Variants in ETV6 observed in about 807,000 individuals in gnomAD.
ETV6 encodes ETS variant transcription factor 6.
ETV6 carries 16 observed loss-of-function variants against 51.1 expected under a neutral mutation model. The ratio of observed to expected loss-of-function variants is 0.31; its 90% CI spans 0.21 to 0.48. The LOEUF (loss-of-function observed/expected upper bound fraction) is 0.48. Among genes scored for constraint, ETV6 ranks in the 20% least tolerant of loss-of-function variants. The pLI, the probability that ETV6 is intolerant of heterozygous loss-of-function variation, is 0.99. For missense variants in ETV6, 458 were observed against 594.8 expected (o/e 0.77, Z 2.39); for synonymous variants, 240 against 224.1 (o/e 1.07, Z -0.64).
At chr12:11,681,159 A>G (rs1591604857) in intron 1 of ETV6, among the ~76,000 whole-genome samples, 1 of 152,340 alleles carries the variant, frequency 6.6e-6, no homozygotes, top group East Asian at 1.9e-4. Context: ...ATGCTGAGGC[A>G]GCTGTAAGCC....
intron 1 of ETV6, among the ~76,000 whole-genome samples, chr12:11,691,871 A>C (rs1057376142): frequency 6.6e-6 from 1 of 152,226 alleles, no homozygotes; most frequent in Non-Finnish European, 1.5e-5. Context: ...TCGTGACTCC[A>C]TTATTTTGAA....
intron 1 of ETV6, among the ~76,000 whole-genome samples, chr12:11,708,496 C>G (rs1243039715): frequency 1.3e-5 from 2 of 152,178 alleles, no homozygotes; most frequent in Non-Finnish European, 2.9e-5. Flanking sequence ...GACTTTTCCA[C>G]TGGTTTCTTG....
chr12:11,842,078 T>A (rs1946398788), intron 3 of ETV6, among the ~76,000 whole-genome samples: 1 of 121,418 alleles, frequency 8.2e-6, no homozygotes, highest in African/African-American at 3.3e-5. Flanking sequence ...CGAGACTCCG[T>A]CTCAAAAAAA....
intron 2 of ETV6, among the ~76,000 whole-genome samples, chr12:11,761,663 G>A (rs1291690996): frequency 6.6e-6 from 1 of 152,184 alleles, no homozygotes; most frequent in Non-Finnish European, 1.5e-5. Flanking sequence ...GCTACAACAG[G>A]GTAAGAGGGC....
intron 2 of ETV6, among the ~76,000 whole-genome samples, chr12:11,766,749 G>A (rs760839081): frequency 1.1e-4 from 17 of 151,216 alleles, no homozygotes; most frequent in Admixed American, 4.6e-4. Flanking sequence ...GATTGAAGAC[G>A]TCTTCAGCAA....
chr12:11,667,757 T>A (rs944830589), intron 1 of ETV6, among the ~76,000 whole-genome samples: 1 of 139,664 alleles, frequency 7.2e-6, no homozygotes, highest in Non-Finnish European at 1.5e-5. Flanking sequence ...GGCTGGAGTG[T>A]AGTGGCATGG....
rs1333027552 is a variant in ETV6 at position 11,869,487 on chromosome 12, T to C, written c.527T>C (p.Ile176Thr). The change falls in exon 5 of 8, where the codon ATT becomes ACT. Residue 176 changes from isoleucine to threonine, a missense_variant. By Grantham distance (89) the Ile-to-Thr change is moderately conservative (BLOSUM62 -1). Transcript: ENST00000396373. The surrounding 1 kb of genome is among the most constrained non-coding windows in gnomAD (Gnocchi z 5.0). ...VDNVHHNPPTIELLHRSRSPI... is the reference protein window; with the variant it reads ...VDNVHHNPPTTELLHRSRSPI... ...AATGTGCACCATAACCCTCCCACCA[T>C]TGAACTGTTGCACCGCTCCAGGTCA... 9 of 1,613,938 alleles carry C rather than the reference T, an allele frequency of 5.6e-6. No homozygotes were observed. Among genetic ancestry groups the C allele is most frequent in the Admixed American group, 5.0e-5 (3 of 59,988 alleles).
chr12:11,758,702 AC>A (rs1160351669), intron 2 of ETV6, among the ~76,000 whole-genome samples: 1 of 152,104 alleles, frequency 6.6e-6, no homozygotes, highest in Non-Finnish European at 1.5e-5. Context: ...CTTTGCTATC[AC>A]ATCAGTGTTC....
intron 5 of ETV6, among the ~76,000 whole-genome samples, chr12:11,875,109 TAATC>T (rs370977570): frequency 1.1e-3 from 160 of 152,182 alleles, no homozygotes; most frequent in African/African-American, 2.6e-3. Flanking sequence ...AAAACTAAAA[TAATC>T]AAGAAAGGAA....
intron 1 of ETV6, among the ~76,000 whole-genome samples, chr12:11,732,011 A>T (rs1865609169): frequency 6.6e-6 from 1 of 152,192 alleles, no homozygotes; most frequent in African/African-American, 2.4e-5. Context: ...GTCACCCAAG[A>T]AGGCGACCAG....
intron 1 of ETV6, among the ~76,000 whole-genome samples, chr12:11,671,595 G>A (rs1864316739): frequency 6.6e-6 from 1 of 152,140 alleles, no homozygotes; most frequent in Non-Finnish European, 1.5e-5. Flanking sequence ...CTGAAAATAT[G>A]TACATCTAAT....
intron 4 of ETV6, among the ~76,000 whole-genome samples, chr12:11,855,422 C>T (rs1946618071): frequency 1.3e-5 from 2 of 152,178 alleles, no homozygotes; most frequent in Non-Finnish European, 2.9e-5. Flanking sequence ...TCCTCCTGCT[C>T]GGATTGGTCA....
intron 2 of ETV6, among the ~76,000 whole-genome samples, chr12:11,830,174 G>GA (rs1946221518): frequency 6.6e-6 from 1 of 152,186 alleles, no homozygotes; most frequent in Non-Finnish European, 1.5e-5. Context: ...GGCAAGCAGA[G>GA]GTCAGAAGGT....
At chr12:11,876,781 G>A (rs1946991846) in intron 5 of ETV6, among the ~76,000 whole-genome samples, 1 of 152,108 alleles carries the variant, frequency 6.6e-6, no homozygotes, top group African/African-American at 2.4e-5. Context: ...TTGTGAACAT[G>A]AACTTCTCGA....
At chr12:11,744,419 TTTAGTGA>T (rs1865870407) in intron 1 of ETV6, among the ~76,000 whole-genome samples, 1 of 152,220 alleles carries the variant, frequency 6.6e-6, no homozygotes, top group Non-Finnish European at 1.5e-5. Context: ...GAAGAAAGGA[TTTAGTGA>T]CCCTCTTTCA....
At chr12:11,670,780 T>G (rs1379556957) in intron 1 of ETV6, among the ~76,000 whole-genome samples, 1 of 152,222 alleles carries the variant, frequency 6.6e-6, no homozygotes, top group East Asian at 1.9e-4. Flanking sequence ...AGCTTTCATA[T>G]GGATAGATGG....
intron 1 of ETV6, among the ~76,000 whole-genome samples, chr12:11,705,743 TTCCAAGGGAA>T (rs1865062448): frequency 6.6e-6 from 1 of 152,218 alleles, no homozygotes; most frequent in African/African-American, 2.4e-5. Context: ...GAAAAGAATA[TTCCAAGGGAA>T]AGATGAGAAG....
chr12:11,790,337 C>T (rs1296601168), intron 2 of ETV6, among the ~76,000 whole-genome samples: 1 of 152,066 alleles, frequency 6.6e-6, no homozygotes, highest in Admixed American at 6.6e-5. Context: ...GCATGTCTGC[C>T]CATTTCTGAG....
At chr12:11,680,469 C>T (rs919490111) in intron 1 of ETV6, among the ~76,000 whole-genome samples, 1 of 152,164 alleles carries the variant, frequency 6.6e-6, no homozygotes, top group Non-Finnish European at 1.5e-5. Context: ...CCCAAAAGGT[C>T]CATACTACAT....
Sources: allele counts gnomAD v4.1 joint callset (sites outside exome capture counted in the v4.1 genomes callset), GRCh38; gene constraint gnomAD v4.1.1; non-coding constraint Gnocchi (gnomAD v3.1); transcripts MANE v1.5; gene names NCBI Gene and HGNC (gene_info 2026-07-23, HGNC 2026-07-21).